THSD7B: variants seen among roughly 807,000 people sequenced by gnomAD.
The protein encoded by THSD7B is thrombospondin type-1 domain-containing protein 7B.
In THSD7B, 138 loss-of-function variants were observed where a neutral mutation model predicts 213.6. The observed-to-expected ratio is 0.65, with a 90% CI of 0.56 to 0.74. The LOEUF (loss-of-function observed/expected upper bound fraction) is 0.74, where lower values mean the gene tolerates loss of function less well. Among genes scored for constraint, THSD7B ranks in the 30% least tolerant of loss-of-function variants. The pLI is 0.00. For missense variants in THSD7B, 1,931 were observed against 1,991.5 expected (o/e 0.97, Z 0.58); for synonymous variants, 742 against 687.0 (o/e 1.08, Z -1.25).
intron 2 of THSD7B, among the ~76,000 whole-genome samples, chr2:137,011,705 C>T (rs1020625594): frequency 6.6e-6 from 1 of 152,160 alleles, no homozygotes; most frequent in Non-Finnish European, 1.5e-5. Flanking sequence ...GCTCCTTTTC[C>T]CTGTCCAATT....
chr2:137,361,709 C>G (rs929096228), intron 12 of THSD7B, among the ~76,000 whole-genome samples: 8 of 152,046 alleles, frequency 5.3e-5, no homozygotes, highest in Non-Finnish European at 8.8e-5. Context: ...AATGAACAAA[C>G]TCTCCAAGAA....
At chr2:137,224,923 A>T (rs945952890) in intron 7 of THSD7B, among the ~76,000 whole-genome samples, 1 of 151,894 alleles carries the variant, frequency 6.6e-6, no homozygotes, top group African/African-American at 2.4e-5. Flanking sequence ...ATTTGGAAAT[A>T]TTTTTTTCTT....
intron 25 of THSD7B, among the ~76,000 whole-genome samples, chr2:137,662,193 G>A (rs1451035212): frequency 6.9e-6 from 1 of 145,686 alleles, no homozygotes; most frequent in Non-Finnish European, 1.5e-5. Flanking sequence ...CTCCCAAGTA[G>A]CTAGGACTAC....
chr2:136,954,740 T>TAAAAAAAAAAAAAAAAAAAAAAAAAAAA (rs773677139), intron 2 of THSD7B, among the ~76,000 whole-genome samples: 1 of 137,450 alleles, frequency 7.3e-6, no homozygotes, highest in African/African-American at 3.1e-5. Context: ...AAAAAGAAAT[T>TAAAAAAAAAAAAAAAAAAAAAAAAAAAA]ACATAAGAGC....
Position 137,411,846 on chromosome 2 carries a change from T to C in THSD7B, c.2933T>C (p.Val978Ala). The C allele has an allele frequency of 6.2e-7, 1 of 1,613,980 alleles. No individual in the cohort carries two copies. The highest frequency in any genetic ancestry group is 2.2e-5 in the East Asian group (1 of 44,878). ...TGTTCTGATAAAAATGGAAGACCTGTTGACCCCTCCTTCTGCAGCAGCTCT... is the reference window on the plus strand; with the variant it reads ...TGTTCTGATAAAAATGGAAGACCTGCTGACCCCTCCTTCTGCAGCAGCTCT... ...VACSDKNGRP[V>A]DPSFCSSSGY... Residue 978 changes from valine to alanine, a missense_variant, in exon 14 of 28, where the codon GTT becomes GCT. Val to Ala is a moderately conservative substitution (Grantham distance 64). Transcript: ENST00000409968.
At chr2:136,822,664 T>C (rs10496758) in intron 1 of THSD7B, among the ~76,000 whole-genome samples, 22,109 of 152,152 alleles carry the variant, frequency 0.15, 1,753 homozygotes, top group Middle Eastern at 0.3. Context: ...TATGCATAAA[T>C]TCATCTAATA....
intron 2 of THSD7B, among the ~76,000 whole-genome samples, chr2:136,923,370 T>C (rs1034663277): frequency 1.3e-5 from 2 of 152,344 alleles, no homozygotes; most frequent in African/African-American, 4.8e-5. Flanking sequence ...TCTGGGTTGC[T>C]TCCAACTCTT....
At chr2:137,270,983 A>C (rs1682719893) in intron 10 of THSD7B, among the ~76,000 whole-genome samples, 1 of 152,152 alleles carries the variant, frequency 6.6e-6, no homozygotes, top group Admixed American at 6.6e-5. Flanking sequence ...ACAGAGAGTA[A>C]GGAAGCTTTC....
intron 5 of THSD7B, among the ~76,000 whole-genome samples, chr2:137,136,344 G>T (rs1679459308): frequency 6.6e-6 from 1 of 152,194 alleles, no homozygotes; most frequent in African/African-American, 2.4e-5. Context: ...CTTTATTCCA[G>T]TGAACAGTTC....
intron 5 of THSD7B, among the ~76,000 whole-genome samples, chr2:137,119,482 G>A (rs1365413759): frequency 6.6e-6 from 1 of 152,164 alleles, no homozygotes; most frequent in Non-Finnish European, 1.5e-5. Flanking sequence ...TCTTCATTGA[G>A]GTGATATTTA....
chr2:137,227,342 C>T (rs1558965665), intron 7 of THSD7B, among the ~76,000 whole-genome samples: 1 of 152,122 alleles, frequency 6.6e-6, no homozygotes, highest in Admixed American at 6.5e-5. Context: ...TCTTATTGAT[C>T]CCAGGGAGCC....
intron 15 of THSD7B, among the ~76,000 whole-genome samples, chr2:137,489,513 G>A (rs1284483382): frequency 6.6e-6 from 1 of 151,756 alleles, no homozygotes; most frequent in Non-Finnish European, 1.5e-5. Context: ...TTCGATGTTT[G>A]CCAATTTAGT....
At chr2:137,530,225 G>A (rs1225389443) in intron 15 of THSD7B, among the ~76,000 whole-genome samples, 2 of 152,004 alleles carry the variant, frequency 1.3e-5, no homozygotes, top group Non-Finnish European at 2.9e-5. Flanking sequence ...AGTAAATCAT[G>A]TTTATAACTG....
chr2:136,819,379 G>T (rs1682534339), intron 1 of THSD7B, among the ~76,000 whole-genome samples: 1 of 152,070 alleles, frequency 6.6e-6, no homozygotes, highest in Non-Finnish European at 1.5e-5. Flanking sequence ...GTGTGTACTG[G>T]GTTGGGATTG....
intron 10 of THSD7B, among the ~76,000 whole-genome samples, chr2:137,263,740 A>T (rs769764692): frequency 9.2e-5 from 14 of 152,082 alleles, no homozygotes; most frequent in Non-Finnish European, 1.8e-4. Flanking sequence ...TTAGCCTGGG[A>T]GAGAATTTTA....
chr2:137,511,726 A>G lies in THSD7B; in HGVS notation c.3139-51495A>G, dbSNP rs1679965096. Among the ~76,000 whole-genome samples, 4 of 152,342 alleles carry G rather than the reference A, an allele frequency of 2.6e-5. No homozygotes were observed. The South Asian group carries it at 8.3e-4, about 32-fold the overall frequency. On this transcript the variant is annotated intron_variant, in intron 15 of 27. Coordinates refer to ENST00000409968, the MANE Select transcript of THSD7B (RefSeq NM_001316349.2). The stretch of plus-strand genomic sequence containing the variant: ...TTGGTTGGTAAATAGACTCAGAGAC[A>G]ACAAATCCTTAATTCCCCCTAGGCT...
chr2:137,624,992 T>G (rs1682595740), intron 20 of THSD7B, among the ~76,000 whole-genome samples: 1 of 152,152 alleles, frequency 6.6e-6, no homozygotes, highest in Non-Finnish European at 1.5e-5. Context: ...CCCAAAGGAT[T>G]ATAAATCATG....
chr2:137,567,986 A>C (rs766117161), intron 16 of THSD7B, among the ~76,000 whole-genome samples: 1 of 152,152 alleles, frequency 6.6e-6, no homozygotes, highest in Non-Finnish European at 1.5e-5. Context: ...TAAGAAAAAA[A>C]CTGGAATAGA....
chr2:137,629,256 C>T (rs562586655), intron 20 of THSD7B, among the ~76,000 whole-genome samples: 1 of 152,198 alleles, frequency 6.6e-6, no homozygotes, highest in Non-Finnish European at 1.5e-5. Flanking sequence ...GTCTCATTAT[C>T]CAAGATTGTG....
Sources: gnomAD v4.1 joint callset for allele counts (sites outside exome capture counted in the v4.1 genomes callset) on GRCh38, gnomAD v4.1.1 for gene constraint, MANE v1.5 for transcripts, NCBI Gene and HGNC (gene_info 2026-07-23, HGNC 2026-07-21) for gene names.